SSX2IP: variants seen among roughly 807,000 people sequenced by gnomAD.
The protein encoded by SSX2IP is afadin- and alpha-actinin-binding protein.
Under a neutral mutation model 84.9 loss-of-function variants are expected in SSX2IP, and 55 were observed. The observed-to-expected ratio is 0.65, with a 90% CI of 0.52 to 0.81. The LOEUF (loss-of-function observed/expected upper bound fraction) is 0.81. Among genes scored for constraint, SSX2IP ranks in the 30% least tolerant of loss-of-function variants. SSX2IP has a pLI of 0.00. For synonymous variants in SSX2IP, 239 were observed against 234.7 expected (o/e 1.02, Z -0.17); for missense variants, 664 against 705.2 (o/e 0.94, Z 0.66).
At chr1:84,664,305 T>C in intron 6 of SSX2IP, 112 bp downstream of exon 6, 1 of 1,132,734 alleles carries the variant, frequency 8.8e-7, no homozygotes, top group Non-Finnish European at 1.2e-6. Context: ...ATCAATTGTA[T>C]AAAGCATGAA....
At chr1:84,680,737 G>A (rs935557335) in intron 1 of SSX2IP, among the ~76,000 whole-genome samples, 3 of 152,076 alleles carry the variant, frequency 2.0e-5, no homozygotes, top group Non-Finnish European at 4.4e-5. Flanking sequence ...AGAAAAAATT[G>A]CAAGGAAAAA....
At chr1:84,651,812 T>C (rs1650294688) in intron 12 of SSX2IP, 71 bp downstream of exon 12, 4 of 876,402 alleles carry the variant, frequency 4.6e-6, no homozygotes, top group Admixed American at 5.0e-5. Flanking sequence ...TAATAATATG[T>C]AGTATTTTGT....
In SSX2IP at chr1:84,671,290, T is replaced by G; in HGVS notation, c.-71A>C. ...AAACATTTAGTCTAGCTGCTGTCAC[T>G]CTTCTATGTAGGCATCTCCTTAAAA... is the stretch of plus-strand genomic sequence containing the variant. On this transcript the variant is annotated 5_prime_UTR_variant, in exon 2 of 14. Transcript: ENST00000342203. The G allele has an allele frequency of 6.3e-7, 1 of 1,588,106 alleles. No individual in the cohort carries two copies. Among genetic ancestry groups the G allele is most frequent in the Non-Finnish European group, 8.6e-7 (1 of 1,169,552 alleles).
chr1:84,655,812 A>G lies in SSX2IP; in HGVS notation c.1389+20T>C. 1 of 1,609,030 alleles carries G rather than the reference A, an allele frequency of 6.2e-7. No homozygotes were observed. The highest frequency in any genetic ancestry group is 8.5e-7 in the Non-Finnish European group (1 of 1,177,616). ...ACCCACCCCCAGTATTTTCAAAAGCACTACAATTGTTTAAAATACCTCCAA... is the reference window on the plus strand; with the variant it reads ...ACCCACCCCCAGTATTTTCAAAAGCGCTACAATTGTTTAAAATACCTCCAA... On this transcript the variant is annotated intron_variant, in intron 11 of 13. Transcript: ENST00000342203.
At chr1:84,687,782 T>C (rs1212000543) in intron 1 of SSX2IP, among the ~76,000 whole-genome samples, 2 of 152,206 alleles carry the variant, frequency 1.3e-5, no homozygotes, top group African/African-American at 4.8e-5. Flanking sequence ...TGTAACCTAC[T>C]GGTCAATGTT....
intron 9 of SSX2IP, 187 bp downstream of exon 9, chr1:84,658,131 G>A (rs1570600563): frequency 6.3e-6 from 4 of 632,370 alleles, no homozygotes; most frequent in East Asian, 6.2e-5. Flanking sequence ...GCAAGGTTCT[G>A]TCTCAAAAAG....
At chr1:84,651,065 T>C (rs1650171280) in intron 12 of SSX2IP, among the ~76,000 whole-genome samples, 1 of 152,072 alleles carries the variant, frequency 6.6e-6, no homozygotes, top group Non-Finnish European at 1.5e-5. Context: ...CCTGTAATCC[T>C]AGCACTTTGG....
chr1:84,653,041 C>A (rs1394608288), intron 11 of SSX2IP, among the ~76,000 whole-genome samples: 2 of 151,288 alleles, frequency 1.3e-5, no homozygotes, highest in African/African-American at 4.9e-5. Flanking sequence ...CAAAAAAAAA[C>A]AAAAACAAAA....
In SSX2IP at chr1:84,676,371, G is replaced by A. The variant is rs570517039; in HGVS notation, c.-89-5063C>T. Among the ~76,000 whole-genome samples the A allele has an allele frequency of 2.6e-5, 4 of 152,210 alleles. No homozygotes were observed. In the South Asian group the frequency reaches 8.3e-4, roughly 32 times the overall value. On this transcript the variant is annotated intron_variant, in intron 1 of 13. Coordinates refer to ENST00000342203, the MANE Select transcript of SSX2IP (RefSeq NM_001166293.2). ...CAATCAATGTCTTTATACTGTAATA[G>A]AAAATCTTATAATACTTTTAGTAAA...
At position 84,671,188 on chromosome 1, in the gene SSX2IP, C is replaced by A. The variant is rs774290087; in HGVS notation, c.32G>T (p.Gly11Val). The A allele has an allele frequency of 6.2e-7, 1 of 1,611,476 alleles. No homozygotes were observed. Among genetic ancestry groups the A allele is most frequent in the Non-Finnish European group, 8.5e-7 (1 of 1,178,700 alleles). Residue 11 changes from glycine (G) to valine (V), a missense_variant, in exon 2 of 14, where the codon GGT becomes GTT. By Grantham distance (109) the Gly-to-Val change is moderately radical (BLOSUM62 -3). Coordinates refer to ENST00000342203, the MANE Select transcript of SSX2IP (RefSeq NM_001166293.2). ...TTAGACTTAATTACCTGAAGACAGACCTGGATCTGTAACAGTCATCCAATC... is the reference window on the plus strand; with the variant it reads ...TTAGACTTAATTACCTGAAGACAGAACTGGATCTGTAACAGTCATCCAATC... The part of the protein sequence containing the change: MGDWMTVTDP[G>V]LSSESKTISQ...
At chr1:84,686,931 T>C (rs1318053386) in intron 1 of SSX2IP, among the ~76,000 whole-genome samples, 1 of 152,138 alleles carries the variant, frequency 6.6e-6, no homozygotes, top group Non-Finnish European at 1.5e-5. Context: ...AAAAGAATGT[T>C]AGTTTCTCTG....
intron 1 of SSX2IP, among the ~76,000 whole-genome samples, chr1:84,685,305 T>C (rs1484234558): frequency 6.6e-6 from 1 of 152,136 alleles, no homozygotes; most frequent in Non-Finnish European, 1.5e-5. Context: ...GAACAGGCAA[T>C]TTGGGCTAGA....
At chr1:84,666,949 G>A (rs531369110) in intron 4 of SSX2IP, among the ~76,000 whole-genome samples, 2 of 152,124 alleles carry the variant, frequency 1.3e-5, no homozygotes, top group Admixed American at 6.5e-5. Flanking sequence ...TGTCTTAACC[G>A]ACCATAAATA....
Position 84,671,162 on chromosome 1 carries a change from T to G in SSX2IP, c.43+15A>C. Reference sequence around the variant, plus strand: ...CAGTTTCTGCTTTTGTTTACAATTATTTAGACTTAATTACCTGAAGACAGA... The same window carrying G: ...CAGTTTCTGCTTTTGTTTACAATTAGTTAGACTTAATTACCTGAAGACAGA... On this transcript the variant is annotated intron_variant, in intron 2 of 13. Coordinates refer to ENST00000342203, the MANE Select transcript of SSX2IP (RefSeq NM_001166293.2). The G allele has an allele frequency of 6.2e-7, 1 of 1,608,556 alleles. No individual in the cohort carries two copies. Among genetic ancestry groups the G allele is most frequent in the Non-Finnish European group, 8.5e-7 (1 of 1,177,954 alleles).
At position 84,647,535 on chromosome 1, in the gene SSX2IP, T is replaced by A. The variant is rs758830957; in HGVS notation, c.1743A>T (p.Gln581His). 6.2e-7 allele frequency: 1 copy of A among 1,613,646 alleles called. No individual in the cohort carries two copies. Among genetic ancestry groups the A allele is most frequent in the Non-Finnish European group, 8.5e-7 (1 of 1,179,726 alleles). ...CAGGTCTTGATGCCACACTCCATTT[T>A]TGATTTGTACATTCTCCTCCAACCT... ...PNQVGGECTN[Q>H]KWSVASRPGS... Residue 581 changes from glutamine to histidine, a missense_variant, in exon 14 of 14, where the codon CAA becomes CAT. Physicochemically the swap from Gln to His is conservative, Grantham distance 24. Transcript: ENST00000342203.
chr1:84,656,726 G>A (rs980210657), intron 9 of SSX2IP, among the ~76,000 whole-genome samples: 2 of 152,022 alleles, frequency 1.3e-5, no homozygotes, highest in East Asian at 1.9e-4. Context: ...AGTTCATGAC[G>A]ACAATTACAC....
chr1:84,658,173 A>G lies in SSX2IP; in HGVS notation c.1078+145T>C, dbSNP rs6684827. On this transcript the variant is annotated intron_variant, in intron 9 of 13. Transcript: ENST00000342203. ...AAAATAAAATAAAATGAAAAAATAA[A>G]TGTATGCAAAATCTTGCTTTCAAAC... 9.1e-4 allele frequency: 698 copies of G among 769,258 alleles called. 4 individuals are homozygous for G. The African/African-American group carries it at 0.012, about 13-fold the overall frequency. The allele number at this position is 769,258 out of a possible 1,614,324, so 47.7% of individuals were successfully genotyped here. A position where few individuals can be genotyped will look rare whatever the true frequency, so the allele number is the denominator to read the frequency against.
chr1:84,649,779 T>A (rs1649955323), intron 13 of SSX2IP: 1 of 362,818 alleles, frequency 2.8e-6, no homozygotes, highest in Non-Finnish European at 5.4e-6. Context: ...AGTATTGATC[T>A]TATCTTAGAA....
Position 84,647,267 on chromosome 1 carries a change from A to C in SSX2IP, c.*166T>G, listed in dbSNP as rs1205382966. 2.0e-6 allele frequency: 1 copy of C among 508,304 alleles called. No homozygotes were observed. Among genetic ancestry groups the C allele is most frequent in the African/African-American group, 2.0e-5 (1 of 51,088 alleles). 31.5% of individuals were successfully genotyped at this position (508,304 alleles called of 1,614,324 possible). A position where few individuals can be genotyped will look rare whatever the true frequency, so the allele number is the denominator to read the frequency against. ...ATATCCAAAGCTTTTATATCCTTTTAAATAGATTTAAGATTTCAACTCTTT... is the reference window on the plus strand; with the variant it reads ...ATATCCAAAGCTTTTATATCCTTTTCAATAGATTTAAGATTTCAACTCTTT... On this transcript the variant is annotated 3_prime_UTR_variant, in exon 14 of 14. Coordinates refer to ENST00000342203, the MANE Select transcript of SSX2IP (RefSeq NM_001166293.2).
Sources: allele counts gnomAD v4.1 joint callset (sites outside exome capture counted in the v4.1 genomes callset), GRCh38; gene constraint gnomAD v4.1.1; transcripts MANE v1.5; gene names NCBI Gene and HGNC (gene_info 2026-07-23, HGNC 2026-07-21).